Variants in PTCD1 observed in about 807,000 individuals in gnomAD.
The protein encoded by PTCD1 is pentatricopeptide repeat domain 1, also known as pentatricopeptide repeat-containing protein 1, mitochondrial.
Under a neutral mutation model 53.4 loss-of-function variants are expected in PTCD1, and 50 were observed. The ratio of observed to expected loss-of-function variants is 0.94; its 90% CI spans 0.75 to 1.19. The LOEUF is 1.19. Among genes scored for constraint, PTCD1 ranks in the 50% most tolerant of loss-of-function variants. The pLI is 0.00. For missense variants in PTCD1, 918 were observed against 904.8 expected (o/e 1.01, Z -0.19); for synonymous variants, 413 against 394.8 (o/e 1.05, Z -0.55).
At chr7:99,431,419 C>T (rs1796244763) in intron 3 of PTCD1, among the ~76,000 whole-genome samples, 1 of 152,092 alleles carries the variant, frequency 6.6e-6, no homozygotes, top group African/African-American at 2.4e-5. Context: ...TGAGCCACCG[C>T]ACCTGGCCAA....
In PTCD1 at chr7:99,418,220, G is replaced by T. The variant is rs146423265; in HGVS notation, c.*1747C>A. On this transcript the variant is annotated 3_prime_UTR_variant, in exon 8 of 8. Coordinates refer to ENST00000292478, the MANE Select transcript of PTCD1 (RefSeq NM_015545.4). ...GACCTCAGGTGATCCACCCGCCTCA[G>T]CCTCCCAAAGTGCCGGGATTACAGG... 0.012 allele frequency: 1,990 copies of T among 170,198 alleles called. 28 individuals are homozygous for T. Among genetic ancestry groups the T allele is most frequent in the Non-Finnish European group, 0.016 (1,249 of 78,916 alleles). 10.5% of individuals were successfully genotyped at this position (170,198 alleles called of 1,614,324 possible).
chr7:99,424,472 C>T (rs1795939770), intron 6 of PTCD1, among the ~76,000 whole-genome samples: 1 of 152,218 alleles, frequency 6.6e-6, no homozygotes, highest in Non-Finnish European at 1.5e-5. Flanking sequence ...CTGCCCACGG[C>T]CCCTCAGGAA....
Position 99,419,550 on chromosome 7 carries a change from C to G in PTCD1, c.*417G>C, listed in dbSNP as rs1795702733. ...CCCCAGGCCCGAGTTGGAGCACGGT[C>G]TCTATGGGGAAGGCTTCGCTGTCTA... On this transcript the variant is annotated 3_prime_UTR_variant, in exon 8 of 8. Coordinates refer to ENST00000292478, the MANE Select transcript of PTCD1 (RefSeq NM_015545.4). 1 of 1,287,994 alleles carries G rather than the reference C, an allele frequency of 7.8e-7. No homozygotes were observed. The highest frequency in any genetic ancestry group is 1.5e-5 in the African/African-American group (1 of 68,170). The allele number at this position is 1,287,994 out of a possible 1,614,324, so 79.8% of individuals were successfully genotyped here.
chr7:99,429,066 G>A, intron 5 of PTCD1, 37 bp downstream of exon 5: 1 of 1,612,554 alleles, frequency 6.2e-7, no homozygotes, highest in Non-Finnish European at 8.5e-7. Context: ...CTGGCACCGG[G>A]GAAGCAGGGC....
chr7:99,425,025 C>A lies in PTCD1; in HGVS notation c.1507G>T (p.Ala503Ser). The A allele has an allele frequency of 6.2e-7, 1 of 1,614,244 alleles. No homozygotes were observed. Among genetic ancestry groups the A allele is most frequent in the Non-Finnish European group, 8.5e-7 (1 of 1,180,046 alleles). The stretch of plus-strand genomic sequence containing the variant: ...AGGAGGGCCAGCAGCAAGGACTCTG[C>A]AGGACTCCCGGACTCCACCACCTCG... ...LAEVVESGSPAESLLLALLDE... is the reference protein window; with the variant it reads ...LAEVVESGSPSESLLLALLDE... Residue 503 changes from alanine (A) to serine (S), a missense_variant, in exon 6 of 8, where the codon GCA (alanine) becomes TCA (serine). Ala to Ser is a moderately conservative substitution (Grantham distance 99). Coordinates refer to ENST00000292478, the MANE Select transcript of PTCD1 (RefSeq NM_015545.4).
At chr7:99,424,298 C>T (rs1795934338) in intron 6 of PTCD1, among the ~76,000 whole-genome samples, 1 of 152,204 alleles carries the variant, frequency 6.6e-6, no homozygotes, top group South Asian at 2.1e-4. Flanking sequence ...AAAGTGCAAG[C>T]CTTGGCTGGG....
chr7:99,437,530 T>G (rs928100350), intron 1 of PTCD1, among the ~76,000 whole-genome samples: 3 of 152,116 alleles, frequency 2.0e-5, no homozygotes, highest in Non-Finnish European at 4.4e-5. Context: ...GTCTGGATCT[T>G]TTGACCTTGT....
At chr7:99,432,637 G>A (rs911634887) in intron 3 of PTCD1, among the ~76,000 whole-genome samples, 59 of 152,190 alleles carry the variant, frequency 3.9e-4, no homozygotes, top group South Asian at 6.2e-4. Context: ...GATGCTGAGC[G>A]TATGCTGAGC....
chr7:99,432,237 T>A (rs1796284870), intron 3 of PTCD1, among the ~76,000 whole-genome samples: 1 of 152,128 alleles, frequency 6.6e-6, no homozygotes, highest in African/African-American at 2.4e-5. Context: ...CTCTTTGCAG[T>A]TGAGATAAGA....
chr7:99,420,188 C>T (rs373694327), intron 7 of PTCD1, 39 bp from the exon 8 acceptor site: 2 of 1,613,038 alleles, frequency 1.2e-6, no homozygotes, highest in African/African-American at 1.3e-5. Context: ...ACTCCTGTTA[C>T]CTACAGCTAA....
Position 99,420,049 on chromosome 7 carries a change from CAG to C in PTCD1, c.2019_2020del (p.Trp674AlafsTer18). ...CTGGGGCTTGGTCCGGAACTTCTGC[CAG>C]GGGTGCGGGGTTTCCTCTGCGGGCA... is the stretch of plus-strand genomic sequence containing the variant. On this transcript the variant is annotated frameshift_variant, in exon 8 of 8. Coordinates refer to ENST00000292478, the MANE Select transcript of PTCD1 (RefSeq NM_015545.4). LOFTEE classifies it low-confidence loss of function (END_TRUNC). 6.2e-7 allele frequency: 1 copy of C among 1,614,202 alleles called. No homozygotes were observed. The highest frequency in any genetic ancestry group is 2.2e-5 in the East Asian group (1 of 44,894).
At chr7:99,422,600 C>A (rs1021711022) in intron 7 of PTCD1, among the ~76,000 whole-genome samples, 1 of 152,170 alleles carries the variant, frequency 6.6e-6, no homozygotes, top group Non-Finnish European at 1.5e-5. Context: ...CAAATAATTT[C>A]TTTTCTAACA....
At position 99,438,770 on chromosome 7, in the gene PTCD1, C is replaced by G; in HGVS notation, c.-105G>C. ...GCGAACCAGTCTCTTCCTCGGGTCC[C>G]CCTCTCCCCAAGCGCGCAGGCGCAA... On this transcript the variant is annotated 5_prime_UTR_variant, in exon 1 of 8. Transcript: ENST00000292478. 7.4e-7 allele frequency: 1 copy of G among 1,359,198 alleles called. No individual in the cohort carries two copies. Among genetic ancestry groups the G allele is most frequent in the Non-Finnish European group, 9.7e-7 (1 of 1,035,320 alleles). 84.2% of individuals were successfully genotyped at this position (1,359,198 alleles called of 1,614,324 possible). A position where few individuals can be genotyped will look rare whatever the true frequency, so the allele number is the denominator to read the frequency against.
chr7:99,433,533 G>A (rs1796340875), intron 2 of PTCD1, 115 bp from the exon 3 acceptor site: 3 of 1,584,046 alleles, frequency 1.9e-6, no homozygotes, highest in Admixed American at 1.8e-5. Context: ...GGCGGCCCTG[G>A]GTGACTGCAA....
rs563827538 is a variant in PTCD1 at position 99,425,636 on chromosome 7, C to T, written c.916-20G>A. ...CCACACCTGCCACGGAAGAGACAAA[C>T]GTCAGCTGGGTGCTCCCATTCAGCA... On this transcript the variant is annotated intron_variant, in intron 5 of 7. Coordinates refer to ENST00000292478, the MANE Select transcript of PTCD1 (RefSeq NM_015545.4). The T allele has an allele frequency of 1.2e-5, 19 of 1,598,102 alleles. No individual in the cohort carries two copies. The Admixed American group carries it at 2.2e-4, about 19-fold the overall frequency.
chr7:99,417,980 C>A lies in PTCD1; in HGVS notation c.*1987G>T, dbSNP rs1182409466. ...ACATTACCATCACTATCTTTCCCGC[C>A]CCCCCAAGACGGAGTCTTGCTTTGT... On this transcript the variant is annotated 3_prime_UTR_variant, in exon 8 of 8. Transcript: ENST00000292478. 6.0e-6 allele frequency: 7 copies of A among 1,176,198 alleles called. No homozygotes were observed. The highest frequency in any genetic ancestry group is 4.2e-5 in the Admixed American group (1 of 23,928). The allele number at this position is 1,176,198 out of a possible 1,614,324, so 72.9% of individuals were successfully genotyped here.
chr7:99,429,285 T>G, intron 4 of PTCD1, 81 bp from the exon 5 acceptor site: 1 of 1,545,596 alleles, frequency 6.5e-7, no homozygotes. Flanking sequence ...TCCTGGCACA[T>G]TGGGAGGCCA....
At chr7:99,435,742 AG>A (rs1796440902) in intron 1 of PTCD1, among the ~76,000 whole-genome samples, 1 of 151,716 alleles carries the variant, frequency 6.6e-6, no homozygotes, top group African/African-American at 2.4e-5. Context: ...GATCAGTTCA[AG>A]ACCAGCCTGG....
At position 99,424,926 on chromosome 7, in the gene PTCD1, G is replaced by A. The variant is rs895046459; in HGVS notation, c.1606C>T (p.Leu536=). 4 of 1,614,248 alleles carry A rather than the reference G, an allele frequency of 2.5e-6. No individual in the cohort carries two copies. The highest frequency in any genetic ancestry group is 8.5e-7 in the Non-Finnish European group (1 of 1,180,038). Residue 536 remains leucine (L), a synonymous_variant, in exon 6 of 8, where the codon CTG becomes TTG. Transcript: ENST00000292478. ...LVRKKSKLGD[L]EGAKALLPVL... ...GGCAACAGCGCCTTGGCCCCCTCCA[G>A]GTCTCCCAGCTTGCTCTTCTTTCTC... is the stretch of plus-strand genomic sequence containing the variant.
Sources: gnomAD v4.1 joint callset for allele counts (sites outside exome capture counted in the v4.1 genomes callset) on GRCh38, gnomAD v4.1.1 for gene constraint, MANE v1.5 for transcripts, NCBI Gene and HGNC (gene_info 2026-07-23, HGNC 2026-07-21) for gene names.